The following STARD13 variants were observed in gnomAD, a reference collection of about 807,000 sequenced individuals.
STARD13 encodes the protein stAR-related lipid transfer protein 13.
A neutral mutation model predicts 106.4 loss-of-function variants in STARD13; 62 were observed. The ratio of observed to expected loss-of-function variants is 0.58; its 90% CI spans 0.48 to 0.72. STARD13 has a LOEUF of 0.72. Ranked by LOEUF, STARD13 falls within the 30% of genes least tolerant of loss-of-function variation. The probability of loss-of-function intolerance (pLI) is 0.00; values close to 1 mark genes in which losing one functional copy is unlikely to be tolerated. For synonymous variants in STARD13, 565 were observed against 553.0 expected (o/e 1.02, Z -0.31); for missense variants, 1,387 against 1,424.0 (o/e 0.97, Z 0.42).
the STARD13 span, among the ~76,000 whole-genome samples, chr13:33,499,610 C>CTTCT: frequency 1.3e-5 from 1 of 74,964 alleles, no homozygotes; most frequent in Non-Finnish European, 2.6e-5. Flanking sequence ...CTTCTTTCTT[C>CTTCT]TTCTTCTTCT....
At chr13:33,186,116 G>A (rs1005315203) in intron 1 of STARD13, 10 of 1,477,982 alleles carry the variant, frequency 6.8e-6, no homozygotes, top group Non-Finnish European at 7.3e-6. Context: ...CTGCTCCCCA[G>A]TGACCTGCGA....
At chr13:33,201,344 C>A (rs1315748537) in intron 1 of STARD13, among the ~76,000 whole-genome samples, 1 of 152,252 alleles carries the variant, frequency 6.6e-6, no homozygotes, top group East Asian at 1.9e-4. Flanking sequence ...CCGTGTTCAA[C>A]TGACTACATG....
Position 33,110,127 on chromosome 13 carries a change from C to G in STARD13, c.2830-37G>C, listed in dbSNP as rs747458519. 3 of 1,595,680 alleles carry G rather than the reference C, an allele frequency of 1.9e-6. No individual in the cohort carries two copies. In the Admixed American group the frequency reaches 5.1e-5, roughly 27 times the overall value. ...CAACGTCAGAAGCTGAAGAGGTTGT[C>G]TGGGATATGGGTCCAACATTTTTTG... is the stretch of plus-strand genomic sequence containing the variant. On this transcript the variant is annotated intron_variant, in intron 11 of 13. Transcript: ENST00000336934.
the STARD13 span, among the ~76,000 whole-genome samples, chr13:33,393,318 T>C: frequency 6.6e-6 from 1 of 152,134 alleles, no homozygotes; most frequent in East Asian, 1.9e-4. Flanking sequence ...CAGGTTAGAT[T>C]AAGCATTTGG....
At chr13:33,284,322 TG>T (rs1162137535) in intron 1 of STARD13, among the ~76,000 whole-genome samples, 10 of 152,224 alleles carry the variant, frequency 6.6e-5, no homozygotes, top group Non-Finnish European at 8.8e-5. Flanking sequence ...GAATACATAT[TG>T]TTCTTTCTGG....
At chr13:33,598,567 T>C in the STARD13 span, among the ~76,000 whole-genome samples, 5 of 152,236 alleles carry the variant, frequency 3.3e-5, no homozygotes, top group Admixed American at 2.6e-4. Flanking sequence ...TGAGAAAAAG[T>C]TTTAGCATTT....
the STARD13 span, among the ~76,000 whole-genome samples, chr13:33,412,407 AAAAAG>A: frequency 2.9e-4 from 44 of 152,336 alleles, no homozygotes; most frequent in African/African-American, 8.7e-4. Context: ...AGAATGTAGG[AAAAAG>A]AAAAGAGAGA....
intron 4 of STARD13, among the ~76,000 whole-genome samples, chr13:33,132,614 T>A (rs1460600799): frequency 2.6e-5 from 4 of 151,968 alleles, no homozygotes; most frequent in Middle Eastern, 3.4e-3. Context: ...TACTTGGGAG[T>A]CTGAGGTGGA....
At chr13:33,572,042 A>G in the STARD13 span, among the ~76,000 whole-genome samples, 4 of 152,214 alleles carry the variant, frequency 2.6e-5, no homozygotes, top group Non-Finnish European at 5.9e-5. Context: ...AGAAACAGAG[A>G]TAAAGAACTA....
At chr13:33,491,003 C>A in the STARD13 span, among the ~76,000 whole-genome samples, 1 of 152,318 alleles carries the variant, frequency 6.6e-6, no homozygotes, top group Middle Eastern at 3.4e-3. Context: ...GGGAGCCATA[C>A]CCCTGTCTCA....
intron 1 of STARD13, among the ~76,000 whole-genome samples, chr13:33,222,965 T>C (rs746001882): frequency 1.2e-4 from 18 of 152,240 alleles, no homozygotes; most frequent in Non-Finnish European, 2.4e-4. Context: ...GAAGTGCTGA[T>C]AAATTAAGTG....
chr13:33,212,907 C>T (rs9596973), intron 1 of STARD13, among the ~76,000 whole-genome samples: 16,295 of 152,088 alleles, frequency 0.11, 1,894 homozygotes, highest in African/African-American at 0.29. Context: ...GCAAGTATTG[C>T]TTAAAAAGGA....
chr13:33,593,031 C>T, the STARD13 span, among the ~76,000 whole-genome samples: 3 of 152,050 alleles, frequency 2.0e-5, no homozygotes, highest in South Asian at 4.1e-4. Flanking sequence ...GGAAGAGCTC[C>T]AGAGATGCTC....
intron 1 of STARD13, among the ~76,000 whole-genome samples, chr13:33,176,075 G>C (rs1208709185): frequency 6.6e-6 from 1 of 152,204 alleles, no homozygotes; most frequent in South Asian, 2.1e-4. Flanking sequence ...GACATGGCAA[G>C]ATAGATACAG....
chr13:33,276,859 T>C (rs991758693), intron 1 of STARD13: 4 of 152,202 alleles, frequency 2.6e-5, no homozygotes, highest in Admixed American at 1.3e-4. Flanking sequence ...TTTAGTAAGC[T>C]CTGCCTCTGT....
At chr13:33,144,954 T>A (rs1329035269) in intron 3 of STARD13, among the ~76,000 whole-genome samples, 1 of 152,224 alleles carries the variant, frequency 6.6e-6, no homozygotes, top group Admixed American at 6.5e-5. Flanking sequence ...CAGACTCGAA[T>A]ATGCTTTATA....
At chr13:33,201,223 G>T (rs889667707) in intron 1 of STARD13, among the ~76,000 whole-genome samples, 4 of 152,090 alleles carry the variant, frequency 2.6e-5, no homozygotes, top group Non-Finnish European at 4.4e-5. Context: ...GGCATTATTA[G>T]TGGGGATGCA....
chr13:33,463,375 G>A, the STARD13 span, among the ~76,000 whole-genome samples: 2 of 152,270 alleles, frequency 1.3e-5, no homozygotes, highest in Admixed American at 6.5e-5. Context: ...TCTAGAAAAA[G>A]GTGATAACTT....
intron 1 of STARD13, among the ~76,000 whole-genome samples, chr13:33,197,742 G>A (rs1368963949): frequency 6.6e-6 from 1 of 152,182 alleles, no homozygotes; most frequent in Non-Finnish European, 1.5e-5. Flanking sequence ...TATGTAGTTA[G>A]ATCCTTTTCC....
Sources: allele counts gnomAD v4.1 joint callset (sites outside exome capture counted in the v4.1 genomes callset), GRCh38; gene constraint gnomAD v4.1.1; transcripts MANE v1.5; gene names NCBI Gene and HGNC (gene_info 2026-07-23, HGNC 2026-07-21).